Variants in FANCC observed in about 807,000 individuals in gnomAD.
The protein encoded by FANCC is FA complementation group C, also known as Fanconi anemia group C protein.
Under a neutral mutation model 71.3 loss-of-function variants are expected in FANCC, and 55 were observed. The observed-to-expected ratio is 0.77, with a 90% CI of 0.62 to 0.97. The LOEUF (loss-of-function observed/expected upper bound fraction) is 0.97. Among genes scored for constraint, FANCC ranks in the 50% least tolerant of loss-of-function variants. The pLI is 0.00. For synonymous variants in FANCC, 275 were observed against 244.9 expected (o/e 1.12, Z -1.15); for missense variants, 678 against 670.9 (o/e 1.01, Z -0.12).
chr9:95,312,221 A>C (rs1158819458), intron 1 of FANCC, among the ~76,000 whole-genome samples: 1 of 152,250 alleles, frequency 6.6e-6, no homozygotes, highest in African/African-American at 2.4e-5. Context: ...CAAGAAAATG[A>C]ACAGACTAAA....
At chr9:95,235,210 TGCACCCAAAG>T (rs11278702) in intron 4 of FANCC, among the ~76,000 whole-genome samples, 19 of 51,156 alleles carry the variant, frequency 3.7e-4, no homozygotes, top group African/African-American at 1.6e-3. Flanking sequence ...CAGTGGGAAA[TGCACCCAAAG>T]GCACCTGATG....
intron 12 of FANCC, chr9:95,114,101 A>C (rs4647528): frequency 0.45 from 85,033 of 187,126 alleles, 19,743 homozygotes; most frequent in East Asian, 0.57. Context: ...AATTTAAAAC[A>C]AACCAACCAA....
intron 4 of FANCC, among the ~76,000 whole-genome samples, chr9:95,202,155 GAGA>G (rs1488297075): frequency 1.3e-5 from 2 of 152,198 alleles, no homozygotes; most frequent in Non-Finnish European, 2.9e-5. Context: ...ATTAAGCTCG[GAGA>G]AGGAGGAAAA....
At chr9:95,118,665 G>C (rs1268321248) in intron 10 of FANCC, among the ~76,000 whole-genome samples, 3 of 152,192 alleles carry the variant, frequency 2.0e-5, no homozygotes, top group African/African-American at 7.2e-5. Context: ...GGAACATAAA[G>C]TATGTTTTCT....
chr9:95,194,039 C>G (rs1305648964), intron 4 of FANCC, among the ~76,000 whole-genome samples: 1 of 152,176 alleles, frequency 6.6e-6, no homozygotes, highest in Non-Finnish European at 1.5e-5. Flanking sequence ...GAGCCATACA[C>G]CAAACCAACT....
intron 13 of FANCC, among the ~76,000 whole-genome samples, chr9:95,107,714 G>A (rs1296141972): frequency 2.6e-5 from 4 of 152,144 alleles, no homozygotes; most frequent in African/African-American, 9.7e-5. Flanking sequence ...TGCTATATTG[G>A]GGGTCAGGGC....
chr9:95,173,604 C>A (rs1265281715), intron 4 of FANCC, among the ~76,000 whole-genome samples: 1 of 152,122 alleles, frequency 6.6e-6, no homozygotes, highest in East Asian at 1.9e-4. Flanking sequence ...TATAGTGGCT[C>A]ACTGTAAGCC....
chr9:95,273,194 C>T (rs1330039631), intron 1 of FANCC, among the ~76,000 whole-genome samples: 1 of 152,232 alleles, frequency 6.6e-6, no homozygotes, highest in Non-Finnish European at 1.5e-5. Context: ...GAACGAGTCA[C>T]TAAATGCCTA....
intron 1 of FANCC, among the ~76,000 whole-genome samples, chr9:95,252,170 T>C (rs1382036494): frequency 6.7e-6 from 1 of 148,334 alleles, no homozygotes; most frequent in African/African-American, 2.5e-5. Context: ...TCCCAGCTAC[T>C]TGGGAGGCAG....
chr9:95,302,891 A>G (rs1447066148), intron 1 of FANCC, among the ~76,000 whole-genome samples: 1 of 152,268 alleles, frequency 6.6e-6, no homozygotes, highest in African/African-American at 2.4e-5. Flanking sequence ...CAGTATGCAT[A>G]TGACACTTTG....
At chr9:95,232,256 T>A (rs1830054867) in intron 4 of FANCC, among the ~76,000 whole-genome samples, 1 of 152,152 alleles carries the variant, frequency 6.6e-6, no homozygotes, top group South Asian at 2.1e-4. Context: ...ATCCTCATGA[T>A]ACAATCACCT....
intron 8 of FANCC, 192 bp from the exon 9 acceptor site, chr9:95,126,773 G>A: frequency 3.3e-6 from 2 of 611,574 alleles, no homozygotes; most frequent in Admixed American, 4.9e-5. Flanking sequence ...GTCTCCCTGG[G>A]CAGGGGTTAC....
intron 4 of FANCC, among the ~76,000 whole-genome samples, chr9:95,182,556 T>TATTC (rs1826442608): frequency 6.6e-6 from 1 of 152,108 alleles, no homozygotes; most frequent in Admixed American, 6.5e-5. Context: ...ATCCCTTATT[T>TATTC]ATTCATTCAA....
At chr9:95,222,623 T>C (rs1829349751) in intron 4 of FANCC, among the ~76,000 whole-genome samples, 1 of 152,188 alleles carries the variant, frequency 6.6e-6, no homozygotes, top group African/African-American at 2.4e-5. Flanking sequence ...TAAGAGTGCA[T>C]TTGATCGCAC....
At chr9:95,132,837 C>T (rs1194184122) in intron 8 of FANCC, among the ~76,000 whole-genome samples, 2 of 152,146 alleles carry the variant, frequency 1.3e-5, no homozygotes, top group Non-Finnish European at 2.9e-5. Flanking sequence ...CTGTACCACA[C>T]TTTTATCTTT....
intron 9 of FANCC, 70 bp from the exon 10 acceptor site, chr9:95,125,255 A>G (rs922628742): frequency 3.2e-6 from 4 of 1,261,216 alleles, no homozygotes; most frequent in Non-Finnish European, 4.7e-6. Context: ...CCTGCACTGT[A>G]TAAGGGAAAA....
intron 13 of FANCC, chr9:95,111,091 G>T (rs1008353323): frequency 3.2e-5 from 49 of 1,518,192 alleles, no homozygotes; most frequent in Non-Finnish European, 2.6e-6. Flanking sequence ...CCCTGGCTGT[G>T]GCCAGGCTCT....
intron 4 of FANCC, among the ~76,000 whole-genome samples, chr9:95,229,183 A>C (rs1301344242): frequency 6.6e-6 from 1 of 151,822 alleles, no homozygotes; most frequent in East Asian, 1.9e-4. Flanking sequence ...CTGTAATCCC[A>C]GCTACTTGGG....
At chr9:95,173,880 G>A (rs1270246148) in intron 4 of FANCC, among the ~76,000 whole-genome samples, 1 of 152,174 alleles carries the variant, frequency 6.6e-6, no homozygotes, top group African/African-American at 2.4e-5. Context: ...TGGGAGTTGA[G>A]AGTGAGACCC....
Sources: gnomAD v4.1 joint callset for allele counts (sites outside exome capture counted in the v4.1 genomes callset) on GRCh38, gnomAD v4.1.1 for gene constraint, MANE v1.5 for transcripts, NCBI Gene and HGNC (gene_info 2026-07-23, HGNC 2026-07-21) for gene names.